Variants in NDUFA10 observed in about 807,000 individuals in gnomAD.
NDUFA10 encodes the protein NADH dehydrogenase [ubiquinone] 1 alpha subcomplex subunit 10, mitochondrial.
In NDUFA10, 40 loss-of-function variants were observed where a neutral mutation model predicts 47.8. The observed-to-expected ratio is 0.84, with a 90% CI of 0.65 to 1.09. NDUFA10 has a LOEUF of 1.09. Among genes scored for constraint, NDUFA10 ranks in the 50% least tolerant of loss-of-function variants. NDUFA10 has a pLI of 0.00. For synonymous variants in NDUFA10, 183 were observed against 172.2 expected, an observed-to-expected ratio of 1.06 and a Z score of -0.49; for missense variants, 413 against 451.1, an observed-to-expected ratio of 0.92 and a Z score of 0.76.
intron 4 of NDUFA10, among the ~76,000 whole-genome samples, chr2:239,900,315 CATATATATAT>C (rs142452963): frequency 4.9e-5 from 7 of 142,630 alleles, no homozygotes; most frequent in Non-Finnish European, 9.2e-5. Flanking sequence ...AACTCCCCTT[CATATATATAT>C]ATATATATAT....
chr2:239,991,297 C>T (rs1190326054), intron 8 of NDUFA10, among the ~76,000 whole-genome samples: 2 of 152,198 alleles, frequency 1.3e-5, no homozygotes, highest in Non-Finnish European at 1.5e-5. Context: ...CCGCGTCGCT[C>T]ATACACGGTT....
intron 8 of NDUFA10, among the ~76,000 whole-genome samples, chr2:239,999,335 C>A (rs1696611747): frequency 6.6e-6 from 1 of 152,184 alleles, no homozygotes; most frequent in African/African-American, 2.4e-5. Flanking sequence ...TTCCACCTGG[C>A]CCTTTAGATC....
chr2:239,939,158 G>A (rs761031698), intron 4 of NDUFA10, among the ~76,000 whole-genome samples: 1 of 152,178 alleles, frequency 6.6e-6, no homozygotes, highest in East Asian at 1.9e-4. Context: ...AGCTGCCCGC[G>A]TTTCATGCCC....
At position 239,906,125 on chromosome 2, in the gene NDUFA10, G is replaced by C. The variant is rs992932984; in HGVS notation, c.295-10811C>G. On this transcript the variant is annotated intron_variant, in intron 4 of 5. Coordinates refer to the NDUFA10 transcript ENST00000419408. This position sits in a 1 kb window ranked among gnomAD's most constrained non-coding sequence, Gnocchi z 4.3. ...GATGTGTGCTGAGCTCATGACCTTC[G>C]GGGGCTCTGGGCGGGCCCTGCTCTG... 6.6e-6 allele frequency among the ~76,000 whole-genome samples: 1 copy of C among 152,082 alleles called. No homozygotes were observed. The highest frequency in any genetic ancestry group is 1.5e-5 in the Non-Finnish European group (1 of 68,010).
intron 9 of NDUFA10, chr2:239,969,715 A>G (rs1302029081): frequency 4.2e-6 from 2 of 471,396 alleles, no homozygotes; most frequent in Admixed American, 4.7e-5. Context: ...TTTTCTTCCA[A>G]CAGACCTCTT....
At chr2:239,996,956 T>C (rs895934497) in intron 8 of NDUFA10, among the ~76,000 whole-genome samples, 3 of 152,246 alleles carry the variant, frequency 2.0e-5, no homozygotes, top group Non-Finnish European at 2.9e-5. Context: ...TAATACCTAA[T>C]GCAATGTAAT....
At chr2:239,901,503 C>T (rs1029436870) in intron 4 of NDUFA10, among the ~76,000 whole-genome samples, 3 of 152,086 alleles carry the variant, frequency 2.0e-5, no homozygotes, top group East Asian at 1.9e-4. Context: ...TACCGCTCAC[C>T]GACAATGCAC....
intron 4 of NDUFA10, among the ~76,000 whole-genome samples, chr2:239,917,536 T>A (rs952855269): frequency 5.3e-5 from 8 of 152,174 alleles, no homozygotes; most frequent in African/African-American, 1.9e-4. Context: ...GTGAAGGTCA[T>A]GGAATAAGCC....
intron 5 of NDUFA10, chr2:240,012,495 G>C (rs1167418926): frequency 1.3e-5 from 2 of 152,212 alleles, no homozygotes; most frequent in Admixed American, 6.5e-5. Flanking sequence ...ACAGGAGAGA[G>C]AGGAAGGAAG....
chr2:239,985,622 G>A (rs1005505867), intron 9 of NDUFA10, among the ~76,000 whole-genome samples: 20 of 152,228 alleles, frequency 1.3e-4, no homozygotes, highest in South Asian at 2.1e-4. Context: ...ACTGTGGGAC[G>A]CCAAGGCAGA....
At chr2:240,018,520 A>G (rs1430218312) in intron 4 of NDUFA10, 33 bp downstream of exon 4, 28 of 1,614,214 alleles carry the variant, frequency 1.7e-5, no homozygotes, top group Non-Finnish European at 2.4e-5. Context: ...GTCGCACCAC[A>G]CACCCAGAAG....
At chr2:239,982,097 G>C (rs768624914) in intron 9 of NDUFA10, 2 of 1,612,376 alleles carry the variant, frequency 1.2e-6, no homozygotes, top group Admixed American at 1.7e-5. Flanking sequence ...CAGCAAACCA[G>C]TGACCTGACA....
intron 4 of NDUFA10, among the ~76,000 whole-genome samples, chr2:239,899,021 CATGGAGGGGTGTAAAGGAGGGGTGTG>C (rs1693466825): frequency 2.2e-5 from 1 of 45,012 alleles, no homozygotes; most frequent in Non-Finnish European, 4.6e-5. Context: ...GGAGGGGAGT[CATGGAGGGGTGTAAAGGAGGGGTGTG>C]ATGGAGGAGT....
intron 9 of NDUFA10, among the ~76,000 whole-genome samples, chr2:239,979,285 C>T (rs746647857): frequency 8.4e-5 from 12 of 142,770 alleles, no homozygotes; most frequent in African/African-American, 3.0e-4. Context: ...GCTGCCACTA[C>T]CTGTCTCTAT....
Position 239,981,312 on chromosome 2 carries a change from A to G in NDUFA10, c.999+8762T>C, listed in dbSNP as rs1695763376. On this transcript the variant is annotated intron_variant, in intron 9 of 9. Transcript: ENST00000252711. Reference sequence around the variant, plus strand: ...TGTACCCAAAGTCTCCAACACAGTCAAGAAAAGAAGCCACCATGGGTGAGA... The same window carrying G: ...TGTACCCAAAGTCTCCAACACAGTCGAGAAAAGAAGCCACCATGGGTGAGA... Among the ~76,000 whole-genome samples, 3 of 152,356 alleles carry G rather than the reference A, an allele frequency of 2.0e-5. No homozygotes were observed. In the South Asian group the frequency reaches 6.2e-4, roughly 32 times the overall value.
In NDUFA10 at chr2:239,951,827, G is replaced by A. The variant is rs553502514; in HGVS notation, c.294+38247C>T. 2.5e-4 allele frequency among the ~76,000 whole-genome samples: 38 copies of A among 152,364 alleles called. No homozygotes were observed. The East Asian group carries it at 3.3e-3, about 13-fold the overall frequency. On this transcript the variant is annotated intron_variant, in intron 4 of 5. Coordinates refer to the NDUFA10 transcript ENST00000419408. ...AGGGGTTCCCAGGCCTGGTCCCAAC[G>A]GCACACCGAGGCCTCCGGCCTGGCC...
At chr2:239,970,253 T>C (rs935846201) in intron 9 of NDUFA10, among the ~76,000 whole-genome samples, 3 of 152,160 alleles carry the variant, frequency 2.0e-5, no homozygotes, top group African/African-American at 7.2e-5. Flanking sequence ...ATATCTTTTA[T>C]GTGTTGGAGG....
At chr2:239,944,444 G>A (rs116847155) in intron 4 of NDUFA10, among the ~76,000 whole-genome samples, 1 of 152,290 alleles carries the variant, frequency 6.6e-6, no homozygotes, top group East Asian at 1.9e-4. Flanking sequence ...GTGCCTGGCT[G>A]GCCACCTCCC....
At chr2:239,939,095 C>T (rs1349265855) in intron 4 of NDUFA10, among the ~76,000 whole-genome samples, 1 of 152,192 alleles carries the variant, frequency 6.6e-6, no homozygotes, top group Non-Finnish European at 1.5e-5. Flanking sequence ...AGCTGGTGGC[C>T]CTGAGCGCCC....
Sources: gnomAD v4.1 joint callset for allele counts (sites outside exome capture counted in the v4.1 genomes callset) on GRCh38, gnomAD v4.1.1 for gene constraint, Gnocchi (gnomAD v3.1) non-coding constraint, MANE v1.5 for transcripts, NCBI Gene and HGNC (gene_info 2026-07-23, HGNC 2026-07-21) for gene names.